NPHP3: variants seen among roughly 807,000 people sequenced by gnomAD.
NPHP3 encodes nephrocystin-3.
NPHP3 carries 123 observed loss-of-function variants against 171.9 expected under a neutral mutation model. The ratio of observed to expected loss-of-function variants is 0.72; its 90% confidence interval spans 0.62 to 0.83. The LOEUF (loss-of-function observed/expected upper bound fraction) is 0.83. NPHP3 is among the 40% of genes least tolerant of loss of function. The pLI is 0.00. For synonymous variants in NPHP3, 558 were observed against 579.2 expected, an observed-to-expected ratio of 0.96 and a Z score of 0.52; for missense variants, 1,506 against 1,591.9, an observed-to-expected ratio of 0.95 and a Z score of 0.92.
Position 132,722,059 on chromosome 3 carries a change from C to A in NPHP3, c.297G>T (p.Glu99Asp), listed in dbSNP as rs765734209. The A allele has an allele frequency of 1.2e-6, 2 of 1,612,932 alleles. No homozygotes were observed. Among genetic ancestry groups the A allele is most frequent in the Non-Finnish European group, 1.7e-6 (2 of 1,179,904 alleles). ...CCTGGTTCTTGCTGACGCGAAAGAT[C>A]TCGTACTCCTTCCTGAGCCGCTCGT... ...AEYERLRKEY[E>D]IFRVSKNQEL... The change falls in exon 1 of 27, where the codon GAG becomes GAT. Residue 99 changes from glutamate to aspartate, a missense_variant. Physicochemically the swap from Glu to Asp is conservative, Grantham distance 45. Around this residue, in one of 3 missense-constraint regions of NPHP3, gnomAD observed 930 missense variants for 924.9 expected, o/e 1.01. Coordinates refer to ENST00000337331, the MANE Select transcript of NPHP3 (RefSeq NM_153240.5).
intron 5 of NPHP3, among the ~76,000 whole-genome samples, chr3:132,714,267 A>C (rs972599532): frequency 6.6e-6 from 1 of 152,216 alleles, no homozygotes; most frequent in Non-Finnish European, 1.5e-5. Flanking sequence ...CTACCACTTA[A>C]AATGTGAAAA....
rs1056120234 is a variant in NPHP3, at chr3:132,715,013, A to T, written c.957+72T>A. On this transcript the variant is annotated intron_variant, in intron 5 of 26. Coordinates refer to ENST00000337331, the MANE Select transcript of NPHP3 (RefSeq NM_153240.5). ...GGAAACTATTTGGTTGAGATACAGT[A>T]GTATCAGAAACAGAATATAATATTA... 21 of 1,230,042 alleles carry T rather than the reference A, an allele frequency of 1.7e-5. No homozygotes were observed. The African/African-American group carries it at 2.1e-4, about 12-fold the overall frequency. The allele number at this position is 1,230,042 out of a possible 1,614,324, so 76.2% of individuals were successfully genotyped here.
intron 19 of NPHP3, 27 bp from the exon 20 acceptor site, chr3:132,689,290 A>G (rs889286767): frequency 6.2e-7 from 1 of 1,608,360 alleles, no homozygotes; most frequent in Non-Finnish European, 8.5e-7. Flanking sequence ...CAGTACTTTA[A>G]TGAAAAACAC....
At chr3:132,690,456 AT>A (rs1939270644) in intron 19 of NPHP3, 71 bp downstream of exon 19, 2 of 1,454,420 alleles carry the variant, frequency 1.4e-6, no homozygotes, top group African/African-American at 1.4e-5. Flanking sequence ...TAAAAATACC[AT>A]TTTTTCTTTG....
intron 14 of NPHP3, 97 bp from the exon 15 acceptor site, chr3:132,696,910 GA>G: frequency 2.1e-6 from 2 of 934,862 alleles, no homozygotes; most frequent in South Asian, 2.6e-5. Flanking sequence ...TACCCCGACA[GA>G]AATAACACTA....
At chr3:132,706,228 C>G (rs1229214611) in intron 7 of NPHP3, among the ~76,000 whole-genome samples, 2 of 151,588 alleles carry the variant, frequency 1.3e-5, no homozygotes, top group Non-Finnish European at 2.9e-5. Flanking sequence ...GCGTGGTGGC[C>G]GGTGCCTGTA....
chr3:132,690,749 A>G (rs1157093604), intron 18 of NPHP3, 99 bp from the exon 19 acceptor site: 10 of 1,184,094 alleles, frequency 8.4e-6, no homozygotes, highest in African/African-American at 4.6e-5. Context: ...TATTTAACAT[A>G]TATCTCTGAT....
Position 132,696,793 on chromosome 3 carries a change from G to T in NPHP3, c.2109C>A (p.His703Gln). 6.2e-7 allele frequency: 1 copy of T among 1,613,750 alleles called. No individual in the cohort carries two copies. Among genetic ancestry groups the T allele is most frequent in the Non-Finnish European group, 8.5e-7 (1 of 1,179,754 alleles). ...SKEQEKKLER[H>Q]CRSATTCNAL... ...CATTGCAGGTTGTAGCAGAACGACA[G>T]TGTCGTTCTAGCTTCTTCTCCTGCA... is the stretch of plus-strand genomic sequence containing the variant. Residue 703 changes from histidine to glutamine, a missense_variant, in exon 15 of 27, where the codon CAC becomes CAA. Physicochemically the swap from His to Gln is conservative, Grantham distance 24. Transcript: ENST00000337331.
intron 16 of NPHP3, among the ~76,000 whole-genome samples, chr3:132,694,401 A>G (rs1939392926): frequency 6.6e-6 from 1 of 151,610 alleles, no homozygotes; most frequent in Non-Finnish European, 1.5e-5. Context: ...ACACATATAT[A>G]TATGAAACAA....
intron 22 of NPHP3, 48 bp downstream of exon 22, chr3:132,687,103 C>A (rs188671161): frequency 1.1e-6 from 1 of 950,828 alleles, no homozygotes; most frequent in South Asian, 1.3e-5. Context: ...TTATGATGCT[C>A]TTTTCCTCTT....
rs763420553 is a variant in NPHP3 at position 132,722,210 on chromosome 3, G to C, written c.146C>G (p.Ala49Gly). The C allele has an allele frequency of 3.9e-6, 6 of 1,520,970 alleles. No homozygotes were observed. The highest frequency in any genetic ancestry group is 5.2e-6 in the Non-Finnish European group (6 of 1,144,294). The allele number at this position is 1,520,970 out of a possible 1,614,324, so 94.2% of individuals were successfully genotyped here. The change falls in exon 1 of 27, where the codon GCG (alanine) becomes GGG (glycine). Residue 49 changes from alanine (A) to glycine (G), a missense_variant. Ala to Gly is a moderately conservative substitution (Grantham distance 60). Coordinates refer to ENST00000337331, the MANE Select transcript of NPHP3 (RefSeq NM_153240.5). The stretch of plus-strand genomic sequence containing the variant: ...GGGCCCGGCCCCTGCTGCCGCCCCC[G>C]CGCCTCGGCGGAACGAGTTGCGCAG... ...RLLRNSFRRG[A>G]GAAAGAGPGS...
At chr3:132,705,366 T>C (rs1272324619) in intron 8 of NPHP3, among the ~76,000 whole-genome samples, 1 of 152,088 alleles carries the variant, frequency 6.6e-6, no homozygotes, top group Non-Finnish European at 1.5e-5. Flanking sequence ...CTGTTAGGGA[T>C]AACATGGGGG....
intron 7 of NPHP3, among the ~76,000 whole-genome samples, 179 bp downstream of exon 7, chr3:132,707,922 T>A (rs1212249963): frequency 6.6e-6 from 1 of 152,112 alleles, no homozygotes; most frequent in Admixed American, 6.6e-5. Flanking sequence ...CAAAATGGCC[T>A]CCGAGGTTCT....
intron 8 of NPHP3, 55 bp downstream of exon 8, chr3:132,705,685 T>A (rs1939728724): frequency 1.0e-6 from 1 of 968,176 alleles, no homozygotes; most frequent in Non-Finnish European, 1.6e-6. Context: ...ATCAATTTCA[T>A]AGAAAGTGAT....
At chr3:132,712,302 G>C in intron 6 of NPHP3, 6 of 408,210 alleles carry the variant, frequency 1.5e-5, no homozygotes, top group South Asian at 1.1e-4. Context: ...ATACCTCTCA[G>C]TTTGTATCCA....
Position 132,715,161 on chromosome 3 carries a change from G to C in NPHP3, c.881C>G (p.Ser294Cys). 1 of 1,609,004 alleles carries C rather than the reference G, an allele frequency of 6.2e-7. No homozygotes were observed. The highest frequency in any genetic ancestry group is 8.5e-7 in the Non-Finnish European group (1 of 1,175,520). The change falls in exon 5 of 27, where the codon TCT (serine) becomes TGT (cysteine). Residue 294 changes from serine to cysteine, a missense_variant. By Grantham distance (112) the Ser-to-Cys change is moderately radical. Around this residue, in one of 3 missense-constraint regions of NPHP3, gnomAD observed 930 missense variants for 924.9 expected, o/e 1.01. Coordinates refer to ENST00000337331, the MANE Select transcript of NPHP3 (RefSeq NM_153240.5). ...LLQVTPLFSH[S>C]LWSNTVRCYL... is the part of the protein sequence containing the mutation. Reference sequence around the variant, plus strand: ...ACATCTGACAGTGTTACTCCACAGAGAATGTGAAAACAGAGGAGTAACTTG... The same window carrying C: ...ACATCTGACAGTGTTACTCCACAGACAATGTGAAAACAGAGGAGTAACTTG...
intron 22 of NPHP3, among the ~76,000 whole-genome samples, chr3:132,686,831 C>T (rs112278285): frequency 5.9e-4 from 90 of 152,218 alleles, no homozygotes; most frequent in Middle Eastern, 3.4e-3. Flanking sequence ...AGGCTTTCTT[C>T]ACATTTGAAC....
At chr3:132,693,490 T>G (rs1015722956) in intron 16 of NPHP3, 2 of 152,228 alleles carry the variant, frequency 1.3e-5, no homozygotes, top group African/African-American at 4.8e-5. Flanking sequence ...CCCACAGACG[T>G]GGAGAGAATA....
chr3:132,699,523 A>C, intron 12 of NPHP3, 73 bp from the exon 13 acceptor site: 1 of 935,914 alleles, frequency 1.1e-6, no homozygotes, highest in Non-Finnish European at 1.7e-6. Flanking sequence ...AGCTCCCCAA[A>C]TAAAATGAAA....
Sources: gnomAD v4.1 joint callset for allele counts (sites outside exome capture counted in the v4.1 genomes callset) on GRCh38, gnomAD v4.1.1 for gene constraint, gnomAD v4.1.1 regional missense constraint, MANE v1.5 for transcripts, NCBI Gene and HGNC (gene_info 2026-07-23, HGNC 2026-07-21) for gene names.